Variants in KLHL1 observed in about 807,000 individuals in gnomAD.
KLHL1 encodes kelch like family member 1, also known as kelch-like protein 1.
Under a neutral mutation model 77.7 loss-of-function variants are expected in KLHL1, and 47 were observed. The ratio of observed to expected loss-of-function variants is 0.60; its 90% CI spans 0.48 to 0.77. KLHL1 has a LOEUF of 0.77. Among genes scored for constraint, KLHL1 ranks in the 30% least tolerant of loss-of-function variants. The pLI is 0.00. For missense variants in KLHL1, 925 were observed against 910.8 expected, an observed-to-expected ratio of 1.02 and a Z score of -0.20; for synonymous variants, 360 against 325.2, an observed-to-expected ratio of 1.11 and a Z score of -1.15.
chr13:70,028,714 T>C (rs1886016269), intron 1 of KLHL1, among the ~76,000 whole-genome samples: 1 of 152,146 alleles, frequency 6.6e-6, no homozygotes, highest in Non-Finnish European at 1.5e-5. Context: ...TGGTAGTTTA[T>C]GCCTGTAATC....
chr13:69,937,813 G>A (rs1314114286), intron 4 of KLHL1, among the ~76,000 whole-genome samples: 2 of 152,138 alleles, frequency 1.3e-5, no homozygotes, highest in Admixed American at 1.3e-4. Context: ...ATAAAGAAGA[G>A]AAATATAGAT....
At chr13:70,053,635 AAAG>A (rs1297711413) in intron 1 of KLHL1, among the ~76,000 whole-genome samples, 8 of 152,246 alleles carry the variant, frequency 5.3e-5, no homozygotes, top group African/African-American at 1.7e-4. Flanking sequence ...TATGAGAGTA[AAAG>A]AAGGAGACTC....
intron 6 of KLHL1, among the ~76,000 whole-genome samples, chr13:69,831,231 CAA>C (rs2042749506): frequency 6.7e-6 from 1 of 149,638 alleles, no homozygotes; most frequent in South Asian, 2.1e-4. Context: ...GAGAGAAGAT[CAA>C]AATAGGCTCA....
intron 8 of KLHL1, among the ~76,000 whole-genome samples, chr13:69,735,179 T>G (rs1873711361): frequency 6.6e-6 from 1 of 151,836 alleles, no homozygotes; most frequent in Non-Finnish European, 1.5e-5. Flanking sequence ...GTATGCTAAT[T>G]TTAGAAAATA....
At chr13:69,892,877 T>G (rs1333893772) in intron 4 of KLHL1, among the ~76,000 whole-genome samples, 1 of 152,214 alleles carries the variant, frequency 6.6e-6, no homozygotes, top group East Asian at 1.9e-4. Flanking sequence ...TTTTGCAATT[T>G]AAGGTCTAAA....
intron 8 of KLHL1, among the ~76,000 whole-genome samples, chr13:69,736,012 T>C (rs1471797863): frequency 6.6e-6 from 1 of 152,158 alleles, no homozygotes; most frequent in Admixed American, 6.5e-5. Flanking sequence ...ATGAGCAAAT[T>C]CAACAAAAAC....
At chr13:69,889,611 C>T (rs1185139575) in intron 4 of KLHL1, among the ~76,000 whole-genome samples, 2 of 151,886 alleles carry the variant, frequency 1.3e-5, no homozygotes, top group African/African-American at 2.4e-5. Flanking sequence ...ATTTTATTTA[C>T]AACTCTTAAT....
chr13:69,977,869 A>G (rs941991672), intron 1 of KLHL1, among the ~76,000 whole-genome samples: 2 of 152,206 alleles, frequency 1.3e-5, no homozygotes, highest in African/African-American at 2.4e-5. Flanking sequence ...GTTTGTGCAC[A>G]TAGAAAATCC....
At chr13:70,019,420 C>G (rs9599532) in intron 1 of KLHL1, among the ~76,000 whole-genome samples, 49,979 of 151,856 alleles carry the variant, frequency 0.33, 9,391 homozygotes, top group South Asian at 0.44. Context: ...TACTTTTTCA[C>G]CAGCTAGCTT....
At chr13:69,791,608 TG>T (rs993086483) in intron 7 of KLHL1, among the ~76,000 whole-genome samples, 5 of 152,120 alleles carry the variant, frequency 3.3e-5, no homozygotes, top group African/African-American at 1.2e-4. Flanking sequence ...GTAATAGAAT[TG>T]AAAAATACAA....
rs1285280832 is a variant in KLHL1, at chr13:69,700,823, T to C, written c.*879A>G. The C allele has an allele frequency of 6.6e-6, 1 of 152,402 alleles. No individual in the cohort carries two copies. The highest frequency in any genetic ancestry group is 2.4e-5 in the African/African-American group (1 of 41,448). 9.4% of individuals were successfully genotyped at this position (152,402 alleles called of 1,614,324 possible). ...TCCAACTTAATGGATCATATGTTTT[T>C]CTTTTGAAATTCTAAGTTTGTTTAA... On this transcript the variant is annotated 3_prime_UTR_variant, in exon 11 of 11. Transcript: ENST00000377844.
At chr13:70,006,255 A>G (rs1278349855) in intron 1 of KLHL1, among the ~76,000 whole-genome samples, 1 of 151,736 alleles carries the variant, frequency 6.6e-6, no homozygotes, top group Non-Finnish European at 1.5e-5. Flanking sequence ...TTCTTTATCT[A>G]TTTGCTTATA....
At chr13:70,075,760 C>CAT (rs33971927) in intron 1 of KLHL1, among the ~76,000 whole-genome samples, 68,773 of 140,562 alleles carry the variant, frequency 0.49, 17,428 homozygotes, top group East Asian at 0.71. Flanking sequence ...CATACACACA[C>CAT]ATATATATAT....
intron 2 of KLHL1, among the ~76,000 whole-genome samples, chr13:69,974,056 C>T (rs1340194507): frequency 6.6e-6 from 1 of 151,892 alleles, no homozygotes; most frequent in Non-Finnish European, 1.5e-5. Context: ...CTTGTGGTCT[C>T]GTGCTACCCG....
intron 7 of KLHL1, among the ~76,000 whole-genome samples, chr13:69,783,848 C>T (rs963043525): frequency 3.4e-4 from 51 of 151,214 alleles, no homozygotes; most frequent in Admixed American, 4.6e-4. Context: ...AGATACTCCT[C>T]GAGAAGAGCA....
intron 1 of KLHL1, among the ~76,000 whole-genome samples, chr13:70,004,823 A>G (rs1885370426): frequency 6.6e-6 from 1 of 151,704 alleles, no homozygotes; most frequent in South Asian, 2.1e-4. Flanking sequence ...AAATACTACT[A>G]GCTGAAAACA....
intron 2 of KLHL1, among the ~76,000 whole-genome samples, chr13:69,962,918 A>C (rs1884111052): frequency 6.6e-6 from 1 of 152,172 alleles, no homozygotes; most frequent in Non-Finnish European, 1.5e-5. Context: ...TATTTTGAAG[A>C]AGACTTTCCT....
At chr13:70,095,553 G>A (rs1240142510) in intron 1 of KLHL1, among the ~76,000 whole-genome samples, 1 of 152,018 alleles carries the variant, frequency 6.6e-6, no homozygotes, top group Non-Finnish European at 1.5e-5. Context: ...AATTGTTATG[G>A]ATACATGACA....
At chr13:69,975,882 A>T in intron 1 of KLHL1, 80 bp from the exon 2 acceptor site, 1 of 1,406,924 alleles carries the variant, frequency 7.1e-7, no homozygotes, top group South Asian at 1.8e-5. Flanking sequence ...AATAACATAC[A>T]GGTTTTTATC....
Sources: gnomAD v4.1 joint callset for allele counts (sites outside exome capture counted in the v4.1 genomes callset) on GRCh38, gnomAD v4.1.1 for gene constraint, MANE v1.5 for transcripts, NCBI Gene and HGNC (gene_info 2026-07-23, HGNC 2026-07-21) for gene names.